Variants in THSD4 observed in about 807,000 individuals in gnomAD.
The protein encoded by THSD4 is thrombospondin type 1 domain containing 4, also known as thrombospondin type-1 domain-containing protein 4.
THSD4 carries 69 observed loss-of-function variants against 119.0 expected under a neutral mutation model. The observed-to-expected ratio is 0.58, with a 90% CI of 0.48 to 0.71. The LOEUF (loss-of-function observed/expected upper bound fraction) is 0.71. Among genes scored for constraint, THSD4 ranks in the 30% least tolerant of loss-of-function variants. The pLI, the probability that THSD4 is intolerant of heterozygous loss-of-function variation, is 0.00. For synonymous variants in THSD4, 524 were observed against 540.4 expected, an observed-to-expected ratio of 0.97 and a Z score of 0.42; for missense variants, 1,393 against 1,391.1, an observed-to-expected ratio of 1.00 and a Z score of -0.02.
chr15:71,529,108 A>G (rs978202899), intron 7 of THSD4, among the ~76,000 whole-genome samples: 2 of 152,142 alleles, frequency 1.3e-5, no homozygotes, highest in Non-Finnish European at 2.9e-5. Flanking sequence ...TGCCAGGTGG[A>G]TATCAGTGTC....
intron 3 of THSD4, among the ~76,000 whole-genome samples, chr15:71,203,039 G>C (rs1010549061): frequency 1.3e-5 from 2 of 152,170 alleles, no homozygotes; most frequent in Non-Finnish European, 2.9e-5. Context: ...TATGGAGAAG[G>C]GTGTGTAATG....
Position 71,253,959 on chromosome 15 carries a change from A to G in THSD4, c.913-2654A>G, listed in dbSNP as rs2044287096. 2.0e-5 allele frequency among the ~76,000 whole-genome samples: 3 copies of G among 152,156 alleles called. No individual in the cohort carries two copies. The South Asian group carries it at 6.2e-4, about 32-fold the overall frequency. On this transcript the variant is annotated intron_variant, in intron 5 of 17. Transcript: ENST00000261862. ...GTTGTCAAGTACTGAGCAATTCTAG[A>G]TGATTCTGAATGTGCATTGGTTTGT... is the stretch of plus-strand genomic sequence containing the variant.
intron 7 of THSD4, among the ~76,000 whole-genome samples, chr15:71,543,097 A>C (rs2048784998): frequency 6.6e-6 from 1 of 152,130 alleles, no homozygotes; most frequent in Admixed American, 6.5e-5. Context: ...AAACTGGGGA[A>C]ATGTGAGTCT....
chr15:71,549,668 C>T (rs147219917), intron 7 of THSD4: 22 of 152,310 alleles, frequency 1.4e-4, no homozygotes, highest in African/African-American at 5.1e-4. Context: ...GGTTTTCTTG[C>T]AGGTTTTAAT....
At chr15:71,119,375 G>C (rs1448505408) in intron 1 of THSD4, among the ~76,000 whole-genome samples, 2 of 152,218 alleles carry the variant, frequency 1.3e-5, no homozygotes, top group Non-Finnish European at 2.9e-5. Context: ...CGCACACCCA[G>C]GTTTGGGGAC....
chr15:71,466,750 A>G (rs1012861627), intron 7 of THSD4, among the ~76,000 whole-genome samples: 1 of 152,150 alleles, frequency 6.6e-6, no homozygotes, highest in African/African-American at 2.4e-5. Flanking sequence ...CTAGGAGGCA[A>G]TGCTAATCTC....
At position 71,161,319 on chromosome 15, in the gene THSD4, GT is replaced by G. The variant is rs558278042; in HGVS notation, c.99+6388del. ...TTTTCTTTGTTGATTGTCTGTCTAG[GT>G]GATCTGTCTGTTGTTGAAAGTGGGG... On this transcript the variant is annotated intron_variant, in intron 3 of 17. Coordinates refer to ENST00000261862, the MANE Select transcript of THSD4 (RefSeq NM_024817.3). Among the ~76,000 whole-genome samples the G allele has an allele frequency of 2.0e-5, 3 of 152,078 alleles. No individual in the cohort carries two copies. In the South Asian group the frequency reaches 6.2e-4, roughly 31 times the overall value.
intron 7 of THSD4, among the ~76,000 whole-genome samples, chr15:71,442,660 G>GTGTGTGTGTGTATGTATGTATATA: frequency 3.9e-5 from 1 of 25,818 alleles, no homozygotes; most frequent in Non-Finnish European, 9.2e-5. Flanking sequence ...GTGTGTGTGT[G>GTGTGTGTGTGTATGTATGTATATA]TATATATATA....
chr15:71,271,795 TTTA>T (rs1474405704), intron 6 of THSD4, among the ~76,000 whole-genome samples: 2 of 152,154 alleles, frequency 1.3e-5, no homozygotes, highest in African/African-American at 4.8e-5. Context: ...GTTTCTCTCT[TTTA>T]TTAGACTCAA....
At chr15:71,699,830 C>A (rs1340524635) in intron 8 of THSD4, among the ~76,000 whole-genome samples, 1 of 152,068 alleles carries the variant, frequency 6.6e-6, no homozygotes, top group African/African-American at 2.4e-5. Context: ...AAGGTCGGTT[C>A]ATTTTAGGAT....
At chr15:71,577,865 C>G (rs986508036) in intron 7 of THSD4, among the ~76,000 whole-genome samples, 3 of 151,400 alleles carry the variant, frequency 2.0e-5, no homozygotes, top group Non-Finnish European at 4.4e-5. Flanking sequence ...GGATTACTGG[C>G]GCCCACCATG....
At chr15:71,716,730 G>T (rs561831671) in intron 8 of THSD4, among the ~76,000 whole-genome samples, 1 of 152,102 alleles carries the variant, frequency 6.6e-6, no homozygotes, top group African/African-American at 2.4e-5. Context: ...CCTCCTACCC[G>T]ACTTCCAGGG....
At chr15:71,222,776 C>G (rs1567161981) in intron 4 of THSD4, among the ~76,000 whole-genome samples, 2 of 152,156 alleles carry the variant, frequency 1.3e-5, no homozygotes, top group Admixed American at 1.3e-4. Flanking sequence ...AGTTTGTGGC[C>G]AGCTCTCAAT....
chr15:71,742,588 G>C (rs940075656), intron 11 of THSD4, among the ~76,000 whole-genome samples: 4 of 152,166 alleles, frequency 2.6e-5, no homozygotes, highest in African/African-American at 9.7e-5. Flanking sequence ...TTTTCCTGCT[G>C]CCTGAAGCCC....
intron 12 of THSD4, among the ~76,000 whole-genome samples, chr15:71,745,571 A>G (rs2053320459): frequency 6.6e-6 from 1 of 152,210 alleles, no homozygotes; most frequent in Admixed American, 6.5e-5. Flanking sequence ...CAGAGAGAGG[A>G]TAATGCAAGT....
chr15:71,567,602 C>CCCCA (rs201007082), intron 7 of THSD4, among the ~76,000 whole-genome samples: 39 of 142,614 alleles, frequency 2.7e-4, no homozygotes, highest in African/African-American at 8.7e-4. Flanking sequence ...AGACACCCCC[C>CCCCA]CACACACACA....
In THSD4 at chr15:71,463,447, G is replaced by A. The variant is rs768652342; in HGVS notation, c.1152+51624G>A. Among the ~76,000 whole-genome samples, 7 of 152,124 alleles carry A rather than the reference G, an allele frequency of 4.6e-5. 1 individual carries two copies. The highest frequency in any genetic ancestry group is 1.2e-4 in the African/African-American group (5 of 41,410). Reference sequence around the variant, plus strand: ...CCCAAATTATACCGTCATCTGGTCCGCATTTCTCCTTCTTGTCCACAAGAA... The same window carrying A: ...CCCAAATTATACCGTCATCTGGTCCACATTTCTCCTTCTTGTCCACAAGAA... On this transcript the variant is annotated intron_variant, in intron 7 of 17. Transcript: ENST00000261862.
rs995243157 is a variant in THSD4, at chr15:71,101,340, C to T, written c.-80+4334C>T. Among the ~76,000 whole-genome samples the T allele has an allele frequency of 4.6e-5, 7 of 152,152 alleles. No individual in the cohort carries two copies. The East Asian group carries it at 1.3e-3, about 29-fold the overall frequency. ...ATAAATGATATAAATATTAGATCTT[C>T]TCACCATATAGGTACCTTTGGCATC... On this transcript the variant is annotated intron_variant, in intron 1 of 17. Coordinates refer to the THSD4 transcript ENST00000355327.
chr15:71,636,889 C>CTT (rs112472688), intron 7 of THSD4, among the ~76,000 whole-genome samples: 1 of 144,834 alleles, frequency 6.9e-6, no homozygotes. Flanking sequence ...ATATTTTTTT[C>CTT]TTTTTTTTTT....
Sources: allele counts gnomAD v4.1 joint callset (sites outside exome capture counted in the v4.1 genomes callset), GRCh38; gene constraint gnomAD v4.1.1; transcripts MANE v1.5; gene names NCBI Gene and HGNC (gene_info 2026-07-23, HGNC 2026-07-21).